Variants in CCSER1 observed in about 807,000 individuals in gnomAD.
The protein encoded by CCSER1 is serine-rich coiled-coil domain-containing protein 1.
Under a neutral mutation model 82.0 loss-of-function variants are expected in CCSER1, and 41 were observed. The observed-to-expected ratio is 0.50, with a 90% CI of 0.39 to 0.65. The LOEUF (loss-of-function observed/expected upper bound fraction) is 0.65, where lower values mean the gene tolerates loss of function less well. Ranked by LOEUF, CCSER1 falls within the 30% of genes least tolerant of loss-of-function variation. The pLI is 0.00. For synonymous variants in CCSER1, 414 were observed against 383.9 expected (o/e 1.08, Z -0.92); for missense variants, 1,119 against 1,064.2 (o/e 1.05, Z -0.72).
At chr4:91,071,430 A>G (rs889361765) in intron 9 of CCSER1, among the ~76,000 whole-genome samples, 1 of 152,156 alleles carries the variant, frequency 6.6e-6, no homozygotes, top group African/African-American at 2.4e-5. Flanking sequence ...GGCTATGCAG[A>G]TATCTAGGTG....
At chr4:90,627,198 ATAT>A (rs1221393825) in intron 5 of CCSER1, among the ~76,000 whole-genome samples, 1 of 152,214 alleles carries the variant, frequency 6.6e-6, no homozygotes, top group Non-Finnish European at 1.5e-5. Flanking sequence ...AAACAGTTGA[ATAT>A]TATTCAAAAA....
rs572092758 is a variant in CCSER1 at position 91,347,956 on chromosome 4, C to CT, written c.2218-250611dup. Among the ~76,000 whole-genome samples, 4 of 151,870 alleles carry CT rather than the reference C, an allele frequency of 2.6e-5. No individual in the cohort carries two copies. The South Asian group carries it at 8.3e-4, about 32-fold the overall frequency. ...TATTTCTTCCTTCCCAATCTGTCTA[C>CT]TTTTTATTTCCTTTTTTGTTGTTCT... On this transcript the variant is annotated intron_variant, in intron 10 of 10. Coordinates refer to ENST00000509176, the MANE Select transcript of CCSER1 (RefSeq NM_001145065.2).
At chr4:91,374,423 A>G (rs1020709442) in intron 10 of CCSER1, among the ~76,000 whole-genome samples, 5 of 152,150 alleles carry the variant, frequency 3.3e-5, no homozygotes, top group African/African-American at 9.7e-5. Context: ...TGCTATATCT[A>G]TTCTCCCTGT....
At chr4:91,104,111 G>T (rs967413998) in intron 10 of CCSER1, among the ~76,000 whole-genome samples, 10 of 152,096 alleles carry the variant, frequency 6.6e-5, no homozygotes, top group Non-Finnish European at 1.0e-4. Flanking sequence ...ACTCTGCCCT[G>T]GTAATTTTGT....
At chr4:90,354,798 A>ATT (rs59482807) in intron 3 of CCSER1, among the ~76,000 whole-genome samples, 10 of 151,180 alleles carry the variant, frequency 6.6e-5, no homozygotes, top group Admixed American at 1.3e-4. Flanking sequence ...ATAACTTCTG[A>ATT]TTTTTTTTTC....
chr4:90,741,784 A>G (rs1297756605), intron 7 of CCSER1, among the ~76,000 whole-genome samples: 1 of 152,206 alleles, frequency 6.6e-6, no homozygotes, highest in African/African-American at 2.4e-5. Flanking sequence ...TTTACTACTA[A>G]TGTGCTCATT....
In CCSER1 at chr4:90,127,839, C is replaced by T; in HGVS notation, c.-42+8C>T. 6.6e-6 allele frequency: 1 copy of T among 152,366 alleles called. No homozygotes were observed. The highest frequency in any genetic ancestry group is 1.5e-5 in the Non-Finnish European group (1 of 68,070). The allele number at this position is 152,366 out of a possible 1,614,324, so 9.4% of individuals were successfully genotyped here. On this transcript the variant is annotated splice_region_variant and intron_variant, in intron 1 of 10. Transcript: ENST00000509176. ...GCGCACGGAGCCCTCAAGGTAGTAA[C>T]GCCCCTGGTGCCTCAGCGCTCAGCG...
chr4:91,303,316 A>G (rs1190957035), intron 10 of CCSER1, among the ~76,000 whole-genome samples: 6 of 152,046 alleles, frequency 3.9e-5, no homozygotes, highest in Non-Finnish European at 8.8e-5. Context: ...TATATTAAAG[A>G]ATTTTCTAAA....
chr4:91,550,227 G>A (rs1435143573), intron 10 of CCSER1, among the ~76,000 whole-genome samples: 2 of 152,182 alleles, frequency 1.3e-5, no homozygotes, highest in Admixed American at 6.5e-5. Flanking sequence ...AAGCAAGATG[G>A]AATGTTTTCT....
chr4:90,623,023 A>ATTT lies in CCSER1; in HGVS notation c.1725-4982_1725-4980dup, dbSNP rs35838784. Among the ~76,000 whole-genome samples the ATTT allele has an allele frequency of 1.7e-3, 187 of 112,590 alleles. 1 individual carries two copies. Among genetic ancestry groups the ATTT allele is most frequent in the East Asian group, 0.013 (49 of 3,772 alleles). The allele number at this position is 112,590 out of a possible 152,430, so 73.9% of individuals were successfully genotyped here. On this transcript the variant is annotated intron_variant, in intron 5 of 10. Coordinates refer to ENST00000509176, the MANE Select transcript of CCSER1 (RefSeq NM_001145065.2). ...GGGAAGATCTGAAGATGGGTAAAGG[A>ATTT]TTTTTTTTTTTTTTTTTTTTTTGAG... is the stretch of plus-strand genomic sequence containing the variant.
chr4:90,649,196 T>C (rs1728267863), intron 6 of CCSER1, among the ~76,000 whole-genome samples: 1 of 152,128 alleles, frequency 6.6e-6, no homozygotes, highest in Non-Finnish European at 1.5e-5. Flanking sequence ...ATAAAGTTTA[T>C]TGGGAGAAAT....
chr4:91,206,116 G>C (rs1446877660), intron 10 of CCSER1, among the ~76,000 whole-genome samples: 1 of 151,854 alleles, frequency 6.6e-6, no homozygotes, highest in East Asian at 1.9e-4. Flanking sequence ...TCGGGGAAGT[G>C]AACAACATAT....
At chr4:91,434,962 A>G (rs1209896951) in intron 10 of CCSER1, among the ~76,000 whole-genome samples, 2 of 152,150 alleles carry the variant, frequency 1.3e-5, no homozygotes, top group African/African-American at 4.8e-5. Context: ...TCTTCCTAAC[A>G]TGGCCGTAGA....
At chr4:91,268,118 T>G (rs1741742063) in intron 10 of CCSER1, among the ~76,000 whole-genome samples, 1 of 152,230 alleles carries the variant, frequency 6.6e-6, no homozygotes, top group African/African-American at 2.4e-5. Context: ...CATTTTGAAA[T>G]TAATCATACC....
chr4:91,073,048 A>G (rs1721597257), intron 9 of CCSER1, among the ~76,000 whole-genome samples: 2 of 152,188 alleles, frequency 1.3e-5, no homozygotes, highest in African/African-American at 4.8e-5. Context: ...ATAATGACAT[A>G]TATTCTTTTT....
chr4:90,866,047 G>A (rs1398258671), intron 8 of CCSER1, among the ~76,000 whole-genome samples: 2 of 151,784 alleles, frequency 1.3e-5, no homozygotes, highest in African/African-American at 4.8e-5. Flanking sequence ...AACACCCAGA[G>A]GAATGGTTTA....
chr4:90,463,924 A>G (rs915891626), intron 4 of CCSER1, among the ~76,000 whole-genome samples: 1 of 152,050 alleles, frequency 6.6e-6, no homozygotes, highest in Non-Finnish European at 1.5e-5. Flanking sequence ...TGCTTTAACA[A>G]TGATTTTATA....
At chr4:91,121,714 A>T (rs968490602) in intron 10 of CCSER1, among the ~76,000 whole-genome samples, 1 of 151,594 alleles carries the variant, frequency 6.6e-6, no homozygotes, top group Admixed American at 6.6e-5. Flanking sequence ...ATAATTTTTT[A>T]AAATGTAATA....
At chr4:90,910,071 G>A (rs1726098315) in intron 8 of CCSER1, among the ~76,000 whole-genome samples, 1 of 152,168 alleles carries the variant, frequency 6.6e-6, no homozygotes, top group African/African-American at 2.4e-5. Flanking sequence ...AGAAGGGGAA[G>A]TAAGCACCTT....
Sources: gnomAD v4.1 joint callset for allele counts (sites outside exome capture counted in the v4.1 genomes callset) on GRCh38, gnomAD v4.1.1 for gene constraint, MANE v1.5 for transcripts, NCBI Gene and HGNC (gene_info 2026-07-23, HGNC 2026-07-21) for gene names.